HSP90AB1: variants seen among roughly 807,000 people sequenced by gnomAD.
The protein encoded by HSP90AB1 is heat shock protein HSP 90-beta.
HSP90AB1 carries 17 observed loss-of-function variants against 67.8 expected under a neutral mutation model. The observed-to-expected ratio is 0.25, with a 90% CI of 0.17 to 0.38. HSP90AB1 has a LOEUF of 0.38. Among genes scored for constraint, HSP90AB1 ranks in the 10% least tolerant of loss-of-function variants. HSP90AB1 has a pLI of 1.00. For missense variants in HSP90AB1, 690 were observed against 899.9 expected, an observed-to-expected ratio of 0.77 and a Z score of 2.98; for synonymous variants, 390 against 312.9, an observed-to-expected ratio of 1.25 and a Z score of -2.60.
chr6:44,251,291 A>G lies in HSP90AB1; in HGVS notation c.1123+78A>G, dbSNP rs1292583515. Reference sequence around the variant, plus strand: ...GCATTCTGCTAGGATATTCTAAGGTAACAGTTTTCTGCAATACATAGTAGG... The same window carrying G: ...GCATTCTGCTAGGATATTCTAAGGTGACAGTTTTCTGCAATACATAGTAGG... On this transcript the variant is annotated intron_variant, in intron 7 of 11. Coordinates refer to ENST00000371646, the MANE Select transcript of HSP90AB1 (RefSeq NM_007355.4). 3.8e-6 allele frequency: 6 copies of G among 1,564,844 alleles called. No homozygotes were observed. In the African/African-American group the frequency reaches 6.8e-5, roughly 18 times the overall value.
chr6:44,251,312 G>A (rs1200237950), intron 7 of HSP90AB1, 99 bp downstream of exon 7: 10 of 1,526,824 alleles, frequency 6.5e-6, no homozygotes, highest in Admixed American at 5.0e-5. Flanking sequence ...GCAATACATA[G>A]TAGGTGTAAG....
intron 1 of HSP90AB1, chr6:44,248,229 C>T (rs375506405): frequency 1.1e-4 from 19 of 167,284 alleles, no homozygotes; most frequent in African/African-American, 4.3e-4. Flanking sequence ...TTGATCTCCC[C>T]CAAATAAAGA....
rs747863315 is a variant in HSP90AB1, at chr6:44,253,646, A to G, written c.*48A>G. ...ACTTGTGCCCTTGTATAGTGTCCCC[A>G]TGGGCTCCCACTGCAGCCTCGAGTG... On this transcript the variant is annotated 3_prime_UTR_variant, in exon 12 of 12. Coordinates refer to ENST00000371646, the MANE Select transcript of HSP90AB1 (RefSeq NM_007355.4). 6.3e-6 allele frequency: 9 copies of G among 1,419,446 alleles called. No homozygotes were observed. Among genetic ancestry groups the G allele is most frequent in the South Asian group, 4.6e-5 (4 of 87,170 alleles). 87.9% of individuals were successfully genotyped at this position (1,419,446 alleles called of 1,614,324 possible). A position where few individuals can be genotyped will look rare whatever the true frequency, so the allele number is the denominator to read the frequency against.
In HSP90AB1 at chr6:44,249,340, G is replaced by C; in HGVS notation, c.148-37G>C. 2.6e-6 allele frequency: 4 copies of C among 1,544,772 alleles called. No homozygotes were observed. In the African/African-American group the frequency reaches 5.4e-5, roughly 21 times the overall value. Reference sequence around the variant, plus strand: ...GGGCAACAGAGCAAGAGTCTGTCTTGGAAAGAGCAAAAGTAAGTTGCTGTT... The same window carrying C: ...GGGCAACAGAGCAAGAGTCTGTCTTCGAAAGAGCAAAAGTAAGTTGCTGTT... On this transcript the variant is annotated intron_variant, in intron 2 of 11. Coordinates refer to ENST00000371646, the MANE Select transcript of HSP90AB1 (RefSeq NM_007355.4).
chr6:44,252,851 G>C (rs1780886133), intron 10 of HSP90AB1, among the ~76,000 whole-genome samples, 194 bp from the exon 11 acceptor site: 1 of 151,638 alleles, frequency 6.6e-6, no homozygotes, highest in Non-Finnish European at 1.5e-5. Flanking sequence ...AGTCTCCTGA[G>C]TGGCTGGGAT....
At position 44,247,181 on chromosome 6, in the gene HSP90AB1, C is replaced by T. The variant is rs1246254115; in HGVS notation, c.-15C>T. ...TACGTTGCTCACTATTACGTATAAT[C>T]CTTTTCTTTTCAAGGTAAGGCTGAG... On this transcript the variant is annotated 5_prime_UTR_variant, in exon 1 of 12. Coordinates refer to ENST00000371646, the MANE Select transcript of HSP90AB1 (RefSeq NM_007355.4). The T allele has an allele frequency of 1.3e-5, 2 of 152,186 alleles. No homozygotes were observed. Among genetic ancestry groups the T allele is most frequent in the Admixed American group, 6.5e-5 (1 of 15,282 alleles). The allele number at this position is 152,186 out of a possible 1,614,324, so 9.4% of individuals were successfully genotyped here. A position where few individuals can be genotyped will look rare whatever the true frequency, so the allele number is the denominator to read the frequency against.
In HSP90AB1 at chr6:44,252,990, T is replaced by TG. The variant is rs1447409044; in HGVS notation, c.1732-54dup. On this transcript the variant is annotated intron_variant, in intron 10 of 11. Transcript: ENST00000371646. The stretch of plus-strand genomic sequence containing the variant: ...TGCTGGAATTAGGCTTGACAATGCC[T>TG]GTTTTCTCTTTCAAAGTGGTAATGT... The TG allele has an allele frequency of 2.1e-6, 3 of 1,447,546 alleles. No individual in the cohort carries two copies. The East Asian group carries it at 6.8e-5, about 33-fold the overall frequency. The allele number at this position is 1,447,546 out of a possible 1,614,324, so 89.7% of individuals were successfully genotyped here. A position where few individuals can be genotyped will look rare whatever the true frequency, so the allele number is the denominator to read the frequency against.
intron 11 of HSP90AB1, 36 bp downstream of exon 11, chr6:44,253,414 T>G (rs780902895): frequency 5.7e-5 from 70 of 1,218,064 alleles, no homozygotes; most frequent in Non-Finnish European, 7.6e-5. Context: ...GCAAGGAGTT[T>G]GTGCAACTCG....
intron 6 of HSP90AB1, 135 bp downstream of exon 6, chr6:44,250,734 T>C: frequency 1.5e-6 from 1 of 646,432 alleles, no homozygotes; most frequent in Non-Finnish European, 2.8e-6. Flanking sequence ...TGATTTCACT[T>C]ACTGATTACC....
intron 2 of HSP90AB1, among the ~76,000 whole-genome samples, 174 bp downstream of exon 2, chr6:44,248,950 C>G (rs1780312457): frequency 6.6e-6 from 1 of 152,098 alleles, no homozygotes; most frequent in South Asian, 2.1e-4. Flanking sequence ...GGACTATGTC[C>G]AGAATAAGTG....
chr6:44,247,187 C>G lies in HSP90AB1; in HGVS notation c.-9C>G, dbSNP rs867593389. 3 of 152,318 alleles carry G rather than the reference C, an allele frequency of 2.0e-5. No individual in the cohort carries two copies. The highest frequency in any genetic ancestry group is 2.4e-5 in the African/African-American group (1 of 41,566). 9.4% of individuals were successfully genotyped at this position (152,318 alleles called of 1,614,324 possible). The stretch of plus-strand genomic sequence containing the variant: ...GCTCACTATTACGTATAATCCTTTT[C>G]TTTTCAAGGTAAGGCTGAGATCTCC... On this transcript the variant is annotated 5_prime_UTR_variant, in exon 1 of 12. Transcript: ENST00000371646.
At position 44,253,868 on chromosome 6, in the gene HSP90AB1, A is replaced by G. The variant is rs767048457; in HGVS notation, c.*270A>G. ...AATTAAAGTATGCAAAATAAAGAAT[A>G]TGCCGTTTTTATACAGTTCTGCTTT... On this transcript the variant is annotated 3_prime_UTR_variant, in exon 12 of 12. Transcript: ENST00000371646. The G allele has an allele frequency of 2.9e-6, 2 of 693,526 alleles. No individual in the cohort carries two copies. Among genetic ancestry groups the G allele is most frequent in the South Asian group, 1.4e-5 (1 of 72,674 alleles). The allele number at this position is 693,526 out of a possible 1,614,324, so 43.0% of individuals were successfully genotyped here.
intron 2 of HSP90AB1, 130 bp downstream of exon 2, chr6:44,248,906 A>T: frequency 1.2e-6 from 1 of 840,420 alleles, no homozygotes; most frequent in South Asian, 1.7e-5. Flanking sequence ...TTCCAAAAAG[A>T]TGGGTTTTAC....
chr6:44,250,082 C>T lies in HSP90AB1; in HGVS notation c.576C>T (p.Tyr192=), dbSNP rs1392882745. The T allele has an allele frequency of 5.6e-6, 9 of 1,613,964 alleles. No individual in the cohort carries two copies. The African/African-American group carries it at 6.7e-5, about 12-fold the overall frequency. The part of the protein sequence containing the change: ...ILHLKEDQTE[Y]LEERRVKEVV... ...ATCTTAAAGAAGATCAGACAGAGTA[C>T]CTAGAAGAGAGGCGGGTCAAAGAAG... Residue 192 remains tyrosine (Y), a synonymous_variant, in exon 5 of 12, where the codon TAC becomes TAT. Transcript: ENST00000371646.
chr6:44,249,646 C>G, intron 3 of HSP90AB1, 29 bp from the exon 4 acceptor site: 1 of 1,611,360 alleles, frequency 6.2e-7, no homozygotes, highest in African/African-American at 1.3e-5. Flanking sequence ...TTCTTTAAAA[C>G]TTGTGATTGA....
chr6:44,248,551 T>A, intron 1 of HSP90AB1, 79 bp from the exon 2 acceptor site: 1 of 1,386,156 alleles, frequency 7.2e-7, no homozygotes, highest in Non-Finnish European at 1.0e-6. Flanking sequence ...TCTAAGGTCC[T>A]AACAAATGAT....
At position 44,251,897 on chromosome 6, in the gene HSP90AB1, T is replaced by C. The variant is rs1453104959; in HGVS notation, c.1462+13T>C. ...TATTACATCACTGGTGCGTTGACTC[T>C]GATTGAAGCCTTTTTGGAGGAGTGG... On this transcript the variant is annotated intron_variant, in intron 9 of 11. Coordinates refer to ENST00000371646, the MANE Select transcript of HSP90AB1 (RefSeq NM_007355.4). 1 of 1,613,380 alleles carries C rather than the reference T, an allele frequency of 6.2e-7. No homozygotes were observed. Among genetic ancestry groups the C allele is most frequent in the Admixed American group, 1.7e-5 (1 of 60,020 alleles).
rs767778065 is a variant in HSP90AB1, at chr6:44,250,561, A to G, written c.919A>G (p.Ser307Gly). The change falls in exon 6 of 12, where the codon AGC (serine) becomes GGC (glycine). Residue 307 changes from serine (S) to glycine (G), a missense_variant. Ser to Gly is a moderately conservative substitution (Grantham distance 56). Coordinates refer to ENST00000371646, the MANE Select transcript of HSP90AB1 (RefSeq NM_007355.4). The stretch of plus-strand genomic sequence containing the variant: ...AGAGGAGTATGGAGAATTCTACAAG[A>G]GCCTCACTAATGACTGGGAAGACCA... ...TQEEYGEFYK[S>G]LTNDWEDHLA... 1 of 1,613,276 alleles carries G rather than the reference A, an allele frequency of 6.2e-7. No homozygotes were observed.
In HSP90AB1 at chr6:44,253,829, T is replaced by A. The variant is rs776811300; in HGVS notation, c.*231T>A. ...TGTATTGTGGTTTATTTTATTTTCT[T>A]CATTTTGTTCTGAAATTAAAGTATG... On this transcript the variant is annotated 3_prime_UTR_variant, in exon 12 of 12. Coordinates refer to ENST00000371646, the MANE Select transcript of HSP90AB1 (RefSeq NM_007355.4). 6 of 751,314 alleles carry A rather than the reference T, an allele frequency of 8.0e-6. No homozygotes were observed. Among genetic ancestry groups the A allele is most frequent in the Non-Finnish European group, 1.0e-5 (4 of 400,634 alleles). The allele number at this position is 751,314 out of a possible 1,614,324, so 46.5% of individuals were successfully genotyped here.
Sources: gnomAD v4.1 joint callset for allele counts (sites outside exome capture counted in the v4.1 genomes callset) on GRCh38, gnomAD v4.1.1 for gene constraint, MANE v1.5 for transcripts, NCBI Gene and HGNC (gene_info 2026-07-23, HGNC 2026-07-21) for gene names.